ERV3-1: variants seen among roughly 807,000 people sequenced by gnomAD.
The protein encoded by ERV3-1 is endogenous retrovirus group 3 member 1, envelope.
A neutral mutation model predicts 24.6 loss-of-function variants in ERV3-1; 36 were observed. The ratio of observed to expected loss-of-function variants is 1.47; its 90% CI spans 1.12 to 1.94. The LOEUF is 1.94. ERV3-1 is among the 30% of genes most tolerant of loss of function. ERV3-1 has a pLI of 0.00. For missense variants in ERV3-1, 578 were observed against 330.9 expected, an observed-to-expected ratio of 1.75 and a Z score of -5.79; for synonymous variants, 211 against 122.6, an observed-to-expected ratio of 1.72 and a Z score of -4.76.
At chr7:64,999,209 AG>A (rs1035076615) in intron 1 of ERV3-1, among the ~76,000 whole-genome samples, 3 of 152,032 alleles carry the variant, frequency 2.0e-5, no homozygotes, top group African/African-American at 7.2e-5. Flanking sequence ...GTCATGGGAG[AG>A]CCAATCTCCC....
At chr7:64,995,145 C>G (rs911243723) in intron 1 of ERV3-1, among the ~76,000 whole-genome samples, 1 of 152,200 alleles carries the variant, frequency 6.6e-6, no homozygotes. Flanking sequence ...GGTTTGATAA[C>G]CAATGCTGCT....
In ERV3-1 at chr7:64,992,277, C is replaced by A. The variant is rs746276056; in HGVS notation, c.750G>T (p.Gln250His). 5.2e-6 allele frequency: 4 copies of A among 766,230 alleles called. No individual in the cohort carries two copies. In the African/African-American group the frequency reaches 6.8e-5, roughly 13 times the overall value. 47.5% of individuals were successfully genotyped at this position (766,230 alleles called of 1,614,324 possible). A position where few individuals can be genotyped will look rare whatever the true frequency, so the allele number is the denominator to read the frequency against. ...CATAGAATGACTCAAAAACTCGGAA[C>A]TGTTGGGTTGAGCGGGTCCGAGTTT... The part of the protein sequence containing the change: ...IKKTRTRSTQ[Q>H]FRVFESFYEH... Residue 250 changes from glutamine to histidine, a missense_variant, in exon 2 of 2, where the codon CAG becomes CAT. Gln to His is a conservative substitution (Grantham distance 24). Transcript: ENST00000394323.
chr7:65,005,300 G>C lies in ERV3-1; in HGVS notation c.-389+1241C>G, dbSNP rs149697920. Reference sequence around the variant, plus strand: ...CCAGGGAAAAAACTGAAGGGTGGCTGAGGACACATTACCTTATAAAGTTTC... The same window carrying C: ...CCAGGGAAAAAACTGAAGGGTGGCTCAGGACACATTACCTTATAAAGTTTC... On this transcript the variant is annotated intron_variant, in intron 1 of 1. Coordinates refer to ENST00000394323, the MANE Select transcript of ERV3-1 (RefSeq NM_001007253.4). 1.3e-3 allele frequency: 203 copies of C among 152,328 alleles called. 2 individuals carry two copies. The East Asian group carries it at 0.031, about 24-fold the overall frequency. The allele number at this position is 152,328 out of a possible 1,614,324, so 9.4% of individuals were successfully genotyped here.
chr7:64,996,297 C>A (rs1360596867), intron 1 of ERV3-1, among the ~76,000 whole-genome samples: 4 of 152,106 alleles, frequency 2.6e-5, no homozygotes, highest in African/African-American at 9.7e-5. Context: ...CTTATAAATG[C>A]CCCAAATATC....
chr7:64,994,757 G>A (rs770562222), intron 1 of ERV3-1, among the ~76,000 whole-genome samples: 27 of 152,210 alleles, frequency 1.8e-4, no homozygotes, highest in Non-Finnish European at 3.5e-4. Flanking sequence ...TGGAATCCGT[G>A]TAAACACTGA....
At chr7:64,995,192 C>T (rs1786380671) in intron 1 of ERV3-1, among the ~76,000 whole-genome samples, 1 of 152,346 alleles carries the variant, frequency 6.6e-6, no homozygotes, top group Non-Finnish European at 1.5e-5. Context: ...GCATGTGGTA[C>T]CTGGATGGTC....
chr7:64,995,821 AAAG>A (rs1786395864), intron 1 of ERV3-1, among the ~76,000 whole-genome samples: 1 of 152,316 alleles, frequency 6.6e-6, no homozygotes, highest in Admixed American at 6.5e-5. Context: ...GGGGCTGCCA[AAAG>A]AAGGTTGTCT....
At chr7:65,006,158 G>A (rs1786643990) in intron 1 of ERV3-1, 3 of 197,936 alleles carry the variant, frequency 1.5e-5, no homozygotes, top group Non-Finnish European at 3.1e-5. Flanking sequence ...AGAAAAAAAG[G>A]GGGACTGGGA....
intron 1 of ERV3-1, among the ~76,000 whole-genome samples, chr7:64,997,575 T>C (rs1052189577): frequency 6.6e-6 from 1 of 152,174 alleles, no homozygotes; most frequent in Non-Finnish European, 1.5e-5. Flanking sequence ...GGTACTGTAA[T>C]TGGGCTGCAT....
intron 1 of ERV3-1, among the ~76,000 whole-genome samples, chr7:64,995,580 C>A (rs866375372): frequency 1.3e-5 from 2 of 152,270 alleles, no homozygotes; most frequent in Non-Finnish European, 2.9e-5. Context: ...ATGGCAGAAC[C>A]CTGCTGCCCC....
rs569878075 is a variant in ERV3-1, at chr7:64,999,643, C to T, written c.-388-6229G>A. Among the ~76,000 whole-genome samples the T allele has an allele frequency of 2.0e-5, 3 of 152,266 alleles. No homozygotes were observed. In the South Asian group the frequency reaches 6.2e-4, roughly 32 times the overall value. ...CATGTCTTGTGACCTTGCCGTGCTA[C>T]AGAAAGAAAAACAGGAACTTATGAA... On this transcript the variant is annotated intron_variant, in intron 1 of 1. Coordinates refer to ENST00000394323, the MANE Select transcript of ERV3-1 (RefSeq NM_001007253.4).
intron 1 of ERV3-1, among the ~76,000 whole-genome samples, chr7:64,998,624 C>T (rs908309017): frequency 2.0e-5 from 3 of 152,178 alleles, no homozygotes; most frequent in African/African-American, 7.2e-5. Flanking sequence ...GCAGAACCCA[C>T]TCACTCTTCC....
At position 64,992,787 on chromosome 7, in the gene ERV3-1, C is replaced by T. The variant is rs1339653796; in HGVS notation, c.240G>A (p.Val80=). Residue 80 remains valine, a synonymous_variant, in exon 2 of 2, where the codon GTG becomes GTA. Coordinates refer to ENST00000394323, the MANE Select transcript of ERV3-1 (RefSeq NM_001007253.4). ...VCDPGRGQPY[V]CYDPKSSPGT... ...CAGGTGAAGACTTAGGGTCATAACA[C>T]ACATAAGGCTGGCCCCTTCCTGGGT... 2 of 766,292 alleles carry T rather than the reference C, an allele frequency of 2.6e-6. No homozygotes were observed. Among genetic ancestry groups the T allele is most frequent in the African/African-American group, 1.7e-5 (1 of 59,128 alleles). The allele number at this position is 766,292 out of a possible 1,614,324, so 47.5% of individuals were successfully genotyped here.
intron 1 of ERV3-1, chr7:65,006,307 G>A: frequency 1.5e-6 from 1 of 666,922 alleles, no homozygotes; most frequent in Non-Finnish European, 2.5e-6. Flanking sequence ...GAGGACTCCA[G>A]AACAAGGCAC....
Position 64,991,389 on chromosome 7 carries a change from G to A in ERV3-1, c.1638C>T (p.Val546=), listed in dbSNP as rs375719949. 3.1e-4 allele frequency: 220 copies of A among 704,018 alleles called. 6 individuals are homozygous for A. Among genetic ancestry groups the A allele is most frequent in the South Asian group, 2.1e-3 (144 of 67,594 alleles). The allele number at this position is 704,018 out of a possible 1,614,324, so 43.6% of individuals were successfully genotyped here. ...LAQQATKMRN[V]IYQNRLALDY... ...CTAAGGCCAGTCTATTTTGATAAAT[G>A]ACATTTCTCATTTTTGTGGCTTGCT... Residue 546 remains valine (V), a synonymous_variant, in exon 2 of 2, where the codon GTC becomes GTT. Coordinates refer to ENST00000394323, the MANE Select transcript of ERV3-1 (RefSeq NM_001007253.4).
rs1384806995 is a variant in ERV3-1 at position 65,006,578 on chromosome 7, G to A, written c.-426C>T. 1.9e-6 allele frequency: 3 copies of A among 1,575,002 alleles called. No individual in the cohort carries two copies. In the East Asian group the frequency reaches 6.7e-5, roughly 35 times the overall value. The stretch of plus-strand genomic sequence containing the variant: ...TCCAGTGGGTCCTGGCGTCTTAGCT[G>A]TGGATCTCCCAATACCTGCAGGTAA... On this transcript the variant is annotated 5_prime_UTR_variant, in exon 1 of 2. Transcript: ENST00000394323.
At position 65,006,599 on chromosome 7, in the gene ERV3-1, G is replaced by C. The variant is rs1355688797; in HGVS notation, c.-447C>G. On this transcript the variant is annotated 5_prime_UTR_variant, in exon 1 of 2. Transcript: ENST00000394323. The stretch of plus-strand genomic sequence containing the variant: ...AGCTGTGGATCTCCCAATACCTGCA[G>C]GTAACGAGGCCACAGAAGCTGGGCC... 2 of 1,569,818 alleles carry C rather than the reference G, an allele frequency of 1.3e-6. No homozygotes were observed. Among genetic ancestry groups the C allele is most frequent in the East Asian group, 4.5e-5 (2 of 44,532 alleles).
At chr7:64,998,106 C>T (rs1026207522) in intron 1 of ERV3-1, among the ~76,000 whole-genome samples, 1 of 152,106 alleles carries the variant, frequency 6.6e-6, no homozygotes, top group Non-Finnish European at 1.5e-5. Context: ...TCTGGCTGCT[C>T]AGGGGCCGTC....
chr7:65,004,092 C>G (rs1426994909), intron 1 of ERV3-1: 1 of 152,176 alleles, frequency 6.6e-6, no homozygotes, highest in Non-Finnish European at 1.5e-5. Flanking sequence ...TGGCTCACGC[C>G]TGTAATCCCA....
Sources: gnomAD v4.1 joint callset for allele counts (sites outside exome capture counted in the v4.1 genomes callset) on GRCh38, gnomAD v4.1.1 for gene constraint, MANE v1.5 for transcripts, NCBI Gene and HGNC (gene_info 2026-07-23, HGNC 2026-07-21) for gene names.